Variants in AGPS observed in about 807,000 individuals in gnomAD.
AGPS encodes the protein alkylglycerone phosphate synthase, also known as alkyldihydroxyacetonephosphate synthase, peroxisomal.
AGPS carries 26 observed loss-of-function variants against 90.7 expected under a neutral mutation model. That is an observed-to-expected ratio of 0.29 (90% confidence interval 0.21 to 0.40). The LOEUF (loss-of-function observed/expected upper bound fraction) is 0.40. AGPS is among the 10% of genes least tolerant of loss of function. The pLI, the probability that AGPS is intolerant of heterozygous loss-of-function variation, is 1.00. For missense variants in AGPS, 540 were observed against 816.1 expected, an observed-to-expected ratio of 0.66 and a Z score of 4.12; for synonymous variants, 294 against 285.3, an observed-to-expected ratio of 1.03 and a Z score of -0.31.
intron 8 of AGPS, among the ~76,000 whole-genome samples, chr2:177,452,072 A>T (rs184393585): frequency 6.6e-6 from 1 of 152,296 alleles, no homozygotes; most frequent in Non-Finnish European, 1.5e-5. Flanking sequence ...AATCCTTTCA[A>T]ATTTATTACT....
intron 11 of AGPS, among the ~76,000 whole-genome samples, chr2:177,488,875 A>G (rs993891257): frequency 2.0e-5 from 3 of 152,176 alleles, no homozygotes; most frequent in Admixed American, 1.3e-4. Flanking sequence ...TTATACTTTT[A>G]TAGTTTATCC....
chr2:177,415,222 A>G (rs961084271), intron 1 of AGPS, among the ~76,000 whole-genome samples: 2 of 152,290 alleles, frequency 1.3e-5, no homozygotes, highest in African/African-American at 4.8e-5. Flanking sequence ...TGATGCCTCC[A>G]GCTACTCTTA....
intron 8 of AGPS, among the ~76,000 whole-genome samples, chr2:177,446,742 T>C (rs1019329244): frequency 6.6e-5 from 10 of 152,116 alleles, no homozygotes; most frequent in African/African-American, 2.4e-4. Context: ...GAGAGTGACA[T>C]GAAGTAGTAG....
At chr2:177,398,650 A>G (rs1454893388) in intron 1 of AGPS, among the ~76,000 whole-genome samples, 1 of 152,254 alleles carries the variant, frequency 6.6e-6, no homozygotes, top group African/African-American at 2.4e-5. Context: ...GTGATTAAAT[A>G]GATCATGATC....
At chr2:177,529,922 T>C (rs1308024714) in intron 19 of AGPS, among the ~76,000 whole-genome samples, 1 of 152,232 alleles carries the variant, frequency 6.6e-6, no homozygotes, top group Non-Finnish European at 1.5e-5. Context: ...ATGGTACCTG[T>C]CTCATATGTT....
rs534418349 is a variant in AGPS at position 177,500,760 on chromosome 2, A to C, written c.1475+1030A>C. Among the ~76,000 whole-genome samples, 57 of 152,180 alleles carry C rather than the reference A, an allele frequency of 3.7e-4. No individual in the cohort carries two copies. In the Middle Eastern group the frequency reaches 0.01, roughly 27 times the overall value. On this transcript the variant is annotated intron_variant, in intron 14 of 19. Transcript: ENST00000264167. ...AATTTTAATTTTTTCAGTAAAAGAG[A>C]AAGTTTATTCATCTTTCATCTTTTC...
intron 13 of AGPS, among the ~76,000 whole-genome samples, chr2:177,498,459 A>G (rs1178150326): frequency 6.6e-6 from 1 of 150,902 alleles, no homozygotes; most frequent in Non-Finnish European, 1.5e-5. Context: ...CCAGTCAGGC[A>G]TCTCCTTTTT....
At chr2:177,447,641 C>T (rs1290407018) in intron 8 of AGPS, among the ~76,000 whole-genome samples, 1 of 151,090 alleles carries the variant, frequency 6.6e-6, no homozygotes, top group Non-Finnish European at 1.5e-5. Context: ...ATTCAAGGAA[C>T]ATATTTCCTT....
At chr2:177,503,453 A>G (rs1688619330) in intron 14 of AGPS, among the ~76,000 whole-genome samples, 1 of 152,234 alleles carries the variant, frequency 6.6e-6, no homozygotes, top group Non-Finnish European at 1.5e-5. Context: ...ATTGTCTCTC[A>G]TTCCTCTTTC....
chr2:177,474,859 A>G (rs534747175), intron 10 of AGPS, among the ~76,000 whole-genome samples: 77 of 152,294 alleles, frequency 5.1e-4, no homozygotes, highest in African/African-American at 1.7e-3. Context: ...TTATATTTAG[A>G]TTACAATGCT....
chr2:177,429,940 G>A (rs1212512544), intron 2 of AGPS, among the ~76,000 whole-genome samples: 1 of 152,214 alleles, frequency 6.6e-6, no homozygotes, highest in Non-Finnish European at 1.5e-5. Context: ...CCCCCAAGGG[G>A]CTCTGTCCCA....
At chr2:177,461,721 T>A (rs1485294574) in intron 8 of AGPS, among the ~76,000 whole-genome samples, 172 bp from the exon 9 acceptor site, 2 of 151,980 alleles carry the variant, frequency 1.3e-5, no homozygotes, top group African/African-American at 2.4e-5. Flanking sequence ...CTTAAAAAAA[T>A]TTTTAGGACT....
intron 11 of AGPS, among the ~76,000 whole-genome samples, chr2:177,487,758 G>A (rs929491071): frequency 6.6e-6 from 1 of 151,898 alleles, no homozygotes; most frequent in Non-Finnish European, 1.5e-5. Flanking sequence ...TTGGTTAATT[G>A]GATCATTTAC....
chr2:177,436,623 T>C, intron 3 of AGPS, 141 bp from the exon 4 acceptor site: 2 of 739,356 alleles, frequency 2.7e-6, no homozygotes, highest in South Asian at 1.7e-5. Flanking sequence ...TTTCTATATA[T>C]GTTGTGTTGT....
intron 19 of AGPS, among the ~76,000 whole-genome samples, chr2:177,529,092 G>A (rs1326945366): frequency 2.0e-5 from 3 of 151,850 alleles, no homozygotes; most frequent in Admixed American, 2.0e-4. Context: ...CCTGACCTCA[G>A]GTGATCCACC....
intron 10 of AGPS, among the ~76,000 whole-genome samples, chr2:177,474,498 T>C (rs918473130): frequency 5.3e-5 from 8 of 152,214 alleles, no homozygotes; most frequent in Admixed American, 1.3e-4. Context: ...CTGGTGACTG[T>C]ACCCCACTCT....
At chr2:177,480,553 G>A (rs1029892246) in intron 10 of AGPS, among the ~76,000 whole-genome samples, 1 of 151,958 alleles carries the variant, frequency 6.6e-6, no homozygotes, top group Non-Finnish European at 1.5e-5. Context: ...ACAGGAAGGG[G>A]AACATCATAC....
In AGPS at chr2:177,523,072, G is replaced by A. The variant is rs548891272; in HGVS notation, c.1798-676G>A. Among the ~76,000 whole-genome samples the A allele has an allele frequency of 2.0e-5, 3 of 152,150 alleles. No homozygotes were observed. In the South Asian group the frequency reaches 6.2e-4, roughly 32 times the overall value. ...GACCTTACATATTAGGGTAAAACGA[G>A]GTTTTTCTTTTCACTCTTAGGTATC... On this transcript the variant is annotated intron_variant, in intron 18 of 19. Coordinates refer to ENST00000264167, the MANE Select transcript of AGPS (RefSeq NM_003659.4).
At chr2:177,402,055 C>A (rs1419882355) in intron 1 of AGPS, among the ~76,000 whole-genome samples, 1 of 152,026 alleles carries the variant, frequency 6.6e-6, no homozygotes, top group Non-Finnish European at 1.5e-5. Context: ...AACTTACATT[C>A]CAGTGGGTGA....
Sources: gnomAD v4.1 joint callset for allele counts (sites outside exome capture counted in the v4.1 genomes callset) on GRCh38, gnomAD v4.1.1 for gene constraint, MANE v1.5 for transcripts, NCBI Gene and HGNC (gene_info 2026-07-23, HGNC 2026-07-21) for gene names.